The following ATAD3A variants were observed in gnomAD, a reference collection of about 807,000 sequenced individuals.
ATAD3A encodes the protein ATPase family AAA domain-containing protein 3A.
ATAD3A carries 46 observed loss-of-function variants against 73.8 expected under a neutral mutation model. That is an observed-to-expected ratio of 0.62 (90% CI 0.49 to 0.80). ATAD3A has a LOEUF of 0.80. Among genes scored for constraint, ATAD3A ranks in the 30% least tolerant of loss-of-function variants. The pLI is 0.00. For missense variants in ATAD3A, 705 were observed against 838.0 expected (o/e 0.84, Z 1.96); for synonymous variants, 319 against 350.0 (o/e 0.91, Z 0.99).
At chr1:1,518,427 A>C (rs1380817086) in intron 4 of ATAD3A, among the ~76,000 whole-genome samples, 3 of 132,812 alleles carry the variant, frequency 2.3e-5, no homozygotes, top group Non-Finnish European at 4.8e-5. Flanking sequence ...GGACACACAC[A>C]CACCCACACA....
intron 2 of ATAD3A, chr1:1,517,095 C>T (rs1641384190): frequency 1.3e-6 from 2 of 1,530,152 alleles, no homozygotes; most frequent in Admixed American, 4.0e-5. Context: ...TCCCGGGGGG[C>T]CTTCGCGGGC....
chr1:1,513,512 G>C (rs1033477117), intron 1 of ATAD3A, among the ~76,000 whole-genome samples: 36 of 151,826 alleles, frequency 2.4e-4, no homozygotes, highest in Non-Finnish European at 1.8e-4. Flanking sequence ...CAGTGCCTTG[G>C]TCTGCCCTCT....
chr1:1,516,360 C>CGTAG (rs1557456947), intron 2 of ATAD3A, among the ~76,000 whole-genome samples: 1 of 152,062 alleles, frequency 6.6e-6, no homozygotes, highest in African/African-American at 2.4e-5. Flanking sequence ...TCTGGTCGTC[C>CGTAG]GGATGGCCTG....
At chr1:1,515,225 C>G (rs140927356) in intron 1 of ATAD3A, among the ~76,000 whole-genome samples, 1 of 152,144 alleles carries the variant, frequency 6.6e-6, no homozygotes, top group Admixed American at 6.5e-5. Context: ...TACAGGCGTC[C>G]GCCACTGCGC....
At chr1:1,527,576 C>T (rs1478156523) in intron 13 of ATAD3A, 119 bp from the exon 14 acceptor site, 21 of 1,330,740 alleles carry the variant, frequency 1.6e-5, no homozygotes, top group East Asian at 1.0e-4. Context: ...GGGCTGTGCC[C>T]GTGTCCTCGT....
chr1:1,528,813 A>G (rs1302097924), intron 14 of ATAD3A, among the ~76,000 whole-genome samples: 1 of 152,204 alleles, frequency 6.6e-6, no homozygotes, highest in East Asian at 1.9e-4. Context: ...TCCGGGCCTC[A>G]GTTTCCCTAT....
chr1:1,514,378 G>A (rs573837621), intron 1 of ATAD3A, among the ~76,000 whole-genome samples: 1 of 152,304 alleles, frequency 6.6e-6, no homozygotes, highest in Non-Finnish European at 1.5e-5. Flanking sequence ...TCCCCTCGGG[G>A]TCAGAGTGAG....
rs1410444574 is a variant in ATAD3A, at chr1:1,523,353, G to T, written c.907-158G>T. 6.6e-6 allele frequency among the ~76,000 whole-genome samples: 1 copy of T among 152,204 alleles called. No homozygotes were observed. Among genetic ancestry groups the T allele is most frequent in the African/African-American group, 2.4e-5 (1 of 41,452 alleles). On this transcript the variant is annotated intron_variant, in intron 8 of 15. Coordinates refer to ENST00000378756, the MANE Select transcript of ATAD3A (RefSeq NM_001170535.3). This position sits in a 1 kb window ranked among gnomAD's most constrained non-coding sequence, Gnocchi z 5.1. ...CCCCTAATCCCAGCAATAGCCGCCT[G>T]GTCTCCGGGCGGGGCAGGGTTCCAG... is the stretch of plus-strand genomic sequence containing the variant.
In ATAD3A at chr1:1,522,838, C is replaced by T. The variant is rs540171241; in HGVS notation, c.845C>T (p.Pro282Leu). ...TTCATCGAGGCTCGGCTGGGGAAGC[C>T]GTCCCTAGTGAGGGAGACGTCCCGC... ...GRFIEARLGK[P>L]SLVRETSRIT... Residue 282 changes from proline to leucine, a missense_variant, in exon 8 of 16, where the codon CCG becomes CTG. Coordinates refer to ENST00000378756, the MANE Select transcript of ATAD3A (RefSeq NM_001170535.3). 8 of 1,610,492 alleles carry T rather than the reference C, an allele frequency of 5.0e-6. No individual in the cohort carries two copies. Among genetic ancestry groups the T allele is most frequent in the East Asian group, 2.2e-5 (1 of 44,830 alleles).
Position 1,522,828 on chromosome 1 carries a change from C to G in ATAD3A, c.835C>G (p.Leu279Val), listed in dbSNP as rs771042570. ...LVAGRFIEARLGKPSLVRETS... is the reference protein window; with the variant it reads ...LVAGRFIEARVGKPSLVRETS... ...CGCCGGCCGCTTCATCGAGGCTCGG[C>G]TGGGGAAGCCGTCCCTAGTGAGGGA... Residue 279 changes from leucine to valine, a missense_variant, in exon 8 of 16, where the codon CTG becomes GTG. By Grantham distance (32) the Leu-to-Val change is conservative. Around this residue, in one of 5 missense-constraint regions of ATAD3A, gnomAD observed 315 missense variants for 334.1 expected, o/e 0.94. Coordinates refer to ENST00000378756, the MANE Select transcript of ATAD3A (RefSeq NM_001170535.3). 4 of 1,610,738 alleles carry G rather than the reference C, an allele frequency of 2.5e-6. No homozygotes were observed. The Admixed American group carries it at 6.7e-5, about 27-fold the overall frequency.
At chr1:1,512,794 C>G (rs2100639110) in intron 1 of ATAD3A, 1 of 1,060,128 alleles carries the variant, frequency 9.4e-7, no homozygotes, top group South Asian at 2.4e-5. Context: ...TCCTTCTGCG[C>G]TTGCCGCCTC....
chr1:1,526,327 G>T, intron 12 of ATAD3A, 134 bp from the exon 13 acceptor site: 6 of 1,535,020 alleles, frequency 3.9e-6, no homozygotes, highest in African/African-American at 1.4e-5. Flanking sequence ...CCCTGGTCAG[G>T]CTTTTGAGAG....
rs2100666847 is a variant in ATAD3A at position 1,523,810 on chromosome 1, C to G, written c.964-29C>G. ...TGAGGCTTCCATGGGTGCACAGTGTCTCCTCCAAACCCCCGTCTTCCCCGG... is the reference window on the plus strand; with the variant it reads ...TGAGGCTTCCATGGGTGCACAGTGTGTCCTCCAAACCCCCGTCTTCCCCGG... On this transcript the variant is annotated intron_variant, in intron 9 of 15. Coordinates refer to ENST00000378756, the MANE Select transcript of ATAD3A (RefSeq NM_001170535.3). The surrounding 1 kb of genome is among the most constrained non-coding windows in gnomAD (Gnocchi z 5.1). The G allele has an allele frequency of 6.2e-7, 1 of 1,613,640 alleles. No homozygotes were observed. Among genetic ancestry groups the G allele is most frequent in the Admixed American group, 1.7e-5 (1 of 60,010 alleles).
chr1:1,525,601 A>G (rs1447009695), intron 12 of ATAD3A, among the ~76,000 whole-genome samples: 1 of 152,020 alleles, frequency 6.6e-6, no homozygotes, highest in Non-Finnish European at 1.5e-5. Flanking sequence ...TTTTTAGCAG[A>G]GACGGGGTTT....
chr1:1,518,793 G>T, intron 4 of ATAD3A, 128 bp from the exon 5 acceptor site: 1 of 1,560,256 alleles, frequency 6.4e-7, no homozygotes, highest in Non-Finnish European at 8.7e-7. Context: ...CCCCGCAAAC[G>T]GGCACCGTCA....
intron 15 of ATAD3A, among the ~76,000 whole-genome samples, chr1:1,532,202 T>G (rs1310314448): frequency 1.3e-5 from 2 of 152,186 alleles, no homozygotes; most frequent in Non-Finnish European, 2.9e-5. Flanking sequence ...GCTGGCATTT[T>G]GTTGAGGACT....
intron 11 of ATAD3A, 40 bp from the exon 12 acceptor site, chr1:1,525,200 G>T: frequency 6.2e-7 from 1 of 1,612,698 alleles, no homozygotes; most frequent in Non-Finnish European, 8.5e-7. Flanking sequence ...GCTGCTCCTG[G>T]TGTCACTCTC....
At position 1,520,104 on chromosome 1, in the gene ATAD3A, C is replaced by G. The variant is rs1641530101; in HGVS notation, c.515-37C>G. On this transcript the variant is annotated intron_variant, in intron 5 of 15. Transcript: ENST00000378756. This position sits in a 1 kb window ranked among gnomAD's most constrained non-coding sequence, Gnocchi z 4.0. ...TGTGGGTGGAGGTGGACGCGCTGCA[C>G]TGCATGGTGCTGAGCTGCCCTGCCT... 6.3e-7 allele frequency: 1 copy of G among 1,596,196 alleles called. No individual in the cohort carries two copies. The highest frequency in any genetic ancestry group is 8.5e-7 in the Non-Finnish European group (1 of 1,173,360).
chr1:1,515,199 TCA>T (rs1491484910), intron 1 of ATAD3A, among the ~76,000 whole-genome samples: 1 of 152,132 alleles, frequency 6.6e-6, no homozygotes, highest in African/African-American at 2.4e-5. Flanking sequence ...CACCTCAGCC[TCA>T]GAGTAGCTGG....
Sources: allele counts gnomAD v4.1 joint callset (sites outside exome capture counted in the v4.1 genomes callset), GRCh38; gene constraint gnomAD v4.1.1; regional missense constraint gnomAD v4.1.1; non-coding constraint Gnocchi (gnomAD v3.1); transcripts MANE v1.5; gene names NCBI Gene and HGNC (gene_info 2026-07-23, HGNC 2026-07-21).